Variants in TIAM2 observed in about 807,000 individuals in gnomAD.
TIAM2 encodes rho guanine nucleotide exchange factor TIAM2.
A neutral mutation model predicts 152.9 loss-of-function variants in TIAM2; 80 were observed. The observed-to-expected ratio is 0.52, with a 90% CI of 0.44 to 0.63. TIAM2 has a LOEUF of 0.63. TIAM2 is among the 30% of genes least tolerant of loss of function. The probability of loss-of-function intolerance (pLI) is 0.00; values close to 1 mark genes in which losing one functional copy is unlikely to be tolerated. For synonymous variants in TIAM2, 804 were observed against 838.0 expected (o/e 0.96, Z 0.70); for missense variants, 1,965 against 2,120.1 (o/e 0.93, Z 1.44).
chr6:155,256,454 T>C (rs765037484), intron 26 of TIAM2, 30 bp from the exon 27 acceptor site: 3 of 1,613,802 alleles, frequency 1.9e-6, no homozygotes, highest in Non-Finnish European at 1.7e-6. Flanking sequence ...TGTTTCTGTA[T>C]CACAGCGAAA....
At chr6:155,045,155 C>T (rs1777145985) in intron 1 of TIAM2, among the ~76,000 whole-genome samples, 1 of 151,406 alleles carries the variant, frequency 6.6e-6, no homozygotes. Context: ...CAACCTCTGC[C>T]TTCCGTGTTC....
At chr6:155,104,559 C>T (rs1363676606) in intron 2 of TIAM2, among the ~76,000 whole-genome samples, 7 of 152,116 alleles carry the variant, frequency 4.6e-5, no homozygotes, top group Middle Eastern at 3.4e-3. Context: ...AGATCGAGAC[C>T]ATCCTGGCTA....
intron 25 of TIAM2, 148 bp from the exon 26 acceptor site, chr6:155,254,271 G>T (rs771168271): frequency 1.8e-6 from 2 of 1,090,924 alleles, no homozygotes; most frequent in Middle Eastern, 2.6e-4. Context: ...ACCTCCTTCT[G>T]TACGGGAGGC....
intron 4 of TIAM2, among the ~76,000 whole-genome samples, chr6:155,130,678 G>C (rs545147625): frequency 6.6e-6 from 1 of 152,282 alleles, no homozygotes; most frequent in East Asian, 1.9e-4. Context: ...AAATACCACA[G>C]ACTTGGTTTA....
chr6:155,046,178 C>T (rs1384647311), intron 1 of TIAM2, among the ~76,000 whole-genome samples: 1 of 152,020 alleles, frequency 6.6e-6, no homozygotes, highest in Non-Finnish European at 1.5e-5. Context: ...TATCTGCCCT[C>T]TCTTTTCTAG....
At chr6:155,000,057 A>G (rs540514378) in intron 1 of TIAM2, among the ~76,000 whole-genome samples, 2 of 152,358 alleles carry the variant, frequency 1.3e-5, no homozygotes, top group East Asian at 3.9e-4. Flanking sequence ...AAACTTTGGA[A>G]CAATGAACAG....
rs59818801 is a variant in TIAM2, at chr6:155,187,573, C to CTTTTTTTTTTTT, written c.3064+4085_3064+4096dup. Reference sequence around the variant, plus strand: ...AACCCCCCCTCCCCCACCCCGCCCCCTTTTTTTTTTTTTTTTTTTTTTTGA... The same window carrying CTTTTTTTTTTTT: ...AACCCCCCCTCCCCCACCCCGCCCCCTTTTTTTTTTTTTTTTTTTTTTTTTTTTTTTTTTTGA... On this transcript the variant is annotated intron_variant, in intron 14 of 26. Coordinates refer to ENST00000682666, the MANE Select transcript of TIAM2 (RefSeq NM_012454.4). Among the ~76,000 whole-genome samples, 35 of 49,616 alleles carry CTTTTTTTTTTTT rather than the reference C, an allele frequency of 7.1e-4. 2 individuals are homozygous for CTTTTTTTTTTTT. Among genetic ancestry groups the CTTTTTTTTTTTT allele is most frequent in the African/African-American group, 2.6e-3 (33 of 12,658 alleles). 32.6% of individuals were successfully genotyped at this position (49,616 alleles called of 152,430 possible).
chr6:155,060,801 A>G (rs2114937803), intron 1 of TIAM2, among the ~76,000 whole-genome samples: 1 of 152,342 alleles, frequency 6.6e-6, no homozygotes, highest in East Asian at 1.9e-4. Context: ...AGGCTGAGGC[A>G]GGAGAATCAC....
chr6:155,158,797 A>T (rs977160335), intron 7 of TIAM2, among the ~76,000 whole-genome samples: 41 of 139,756 alleles, frequency 2.9e-4, no homozygotes, highest in African/African-American at 9.5e-4. Context: ...TTCTTTTTAT[A>T]TCATATCTTG....
intron 15 of TIAM2, among the ~76,000 whole-genome samples, chr6:155,225,834 A>G (rs145162137): frequency 6.6e-6 from 1 of 152,318 alleles, no homozygotes; most frequent in East Asian, 1.9e-4. Context: ...GAACCTGTTG[A>G]TGAGGGTGCC....
At chr6:155,132,553 A>T (rs1779471744) in intron 4 of TIAM2, among the ~76,000 whole-genome samples, 1 of 152,108 alleles carries the variant, frequency 6.6e-6, no homozygotes, top group Non-Finnish European at 1.5e-5. Context: ...ACTTTTTCAG[A>T]CTAAACCACA....
chr6:155,241,092 C>T (rs1783010766), intron 16 of TIAM2, among the ~76,000 whole-genome samples: 1 of 152,182 alleles, frequency 6.6e-6, no homozygotes. Flanking sequence ...GATCCAGGCC[C>T]CACAGTCTTG....
At chr6:155,237,724 C>T (rs1461848317) in intron 15 of TIAM2, among the ~76,000 whole-genome samples, 1 of 152,224 alleles carries the variant, frequency 6.6e-6, no homozygotes, top group Non-Finnish European at 1.5e-5. Context: ...ATGGCTCAAG[C>T]TCTGTGTTGG....
At chr6:155,145,092 A>G (rs1291806335) in intron 6 of TIAM2, among the ~76,000 whole-genome samples, 1 of 152,164 alleles carries the variant, frequency 6.6e-6, no homozygotes, top group African/African-American at 2.4e-5. Context: ...AGTGAGCGCA[A>G]TGGTCAAGAT....
intron 14 of TIAM2, among the ~76,000 whole-genome samples, chr6:155,185,313 G>C (rs1352032608): frequency 6.6e-6 from 1 of 151,578 alleles, no homozygotes; most frequent in East Asian, 1.9e-4. Flanking sequence ...TTTTAATAGA[G>C]ATGGGGTTTC....
chr6:155,029,862 G>A (rs1004429162), intron 1 of TIAM2, among the ~76,000 whole-genome samples: 3 of 151,098 alleles, frequency 2.0e-5, no homozygotes, highest in South Asian at 2.1e-4. Flanking sequence ...GTGTGATCGC[G>A]GCTCACTGCA....
At chr6:155,045,758 G>A (rs1254712079) in intron 1 of TIAM2, among the ~76,000 whole-genome samples, 7 of 150,014 alleles carry the variant, frequency 4.7e-5, no homozygotes, top group Admixed American at 3.3e-4. Context: ...GTGGGGAGCC[G>A]CCCTTTGTGT....
chr6:155,208,405 T>G (rs1253473360), intron 14 of TIAM2, among the ~76,000 whole-genome samples: 1 of 152,166 alleles, frequency 6.6e-6, no homozygotes, highest in East Asian at 1.9e-4. Context: ...GGTTCTCTCC[T>G]CGGTCCTCTT....
chr6:155,193,822 A>G (rs1217530643), intron 14 of TIAM2, among the ~76,000 whole-genome samples: 1 of 152,222 alleles, frequency 6.6e-6, no homozygotes. Flanking sequence ...TGAAGAGCGC[A>G]ATGGTGCTGA....
Sources: gnomAD v4.1 joint callset for allele counts (sites outside exome capture counted in the v4.1 genomes callset) on GRCh38, gnomAD v4.1.1 for gene constraint, MANE v1.5 for transcripts, NCBI Gene and HGNC (gene_info 2026-07-23, HGNC 2026-07-21) for gene names.